Variants in PTGFRN observed in about 807,000 individuals in gnomAD.
PTGFRN encodes prostaglandin F2 receptor inhibitor.
In PTGFRN, 35 loss-of-function variants were observed where a neutral mutation model predicts 83.2. That is an observed-to-expected ratio of 0.42 (90% CI 0.32 to 0.56). The LOEUF (loss-of-function observed/expected upper bound fraction) is 0.56. PTGFRN is among the 20% of genes least tolerant of loss of function. The probability of loss-of-function intolerance (pLI) is 0.11; values close to 1 mark genes in which losing one functional copy is unlikely to be tolerated. For synonymous variants in PTGFRN, 519 were observed against 498.6 expected, an observed-to-expected ratio of 1.04 and a Z score of -0.55; for missense variants, 1,051 against 1,179.5, an observed-to-expected ratio of 0.89 and a Z score of 1.60.
At chr1:116,935,984 G>A (rs1255159715) in intron 1 of PTGFRN, among the ~76,000 whole-genome samples, 1 of 152,262 alleles carries the variant, frequency 6.6e-6, no homozygotes, top group East Asian at 1.9e-4. Flanking sequence ...CTTAGTAGCG[G>A]CATTTTTATG....
intron 4 of PTGFRN, among the ~76,000 whole-genome samples, chr1:116,953,678 A>G (rs1341140516): frequency 6.6e-6 from 1 of 151,950 alleles, no homozygotes; most frequent in Non-Finnish European, 1.5e-5. Flanking sequence ...GGAGCCCAGC[A>G]TAGAGGAATT....
rs1651507370 is a variant in PTGFRN at position 116,986,914 on chromosome 1, G to A, written c.2587G>A (p.Val863Ile). 6.2e-7 allele frequency: 1 copy of A among 1,614,260 alleles called. No homozygotes were observed. Among genetic ancestry groups the A allele is most frequent in the Non-Finnish European group, 8.5e-7 (1 of 1,180,042 alleles). ...CTCCCACTGGTGTTGTAAGAAGGAG[G>A]TTCAGGAGACACGGCGCGAGCGCCG... is the stretch of plus-strand genomic sequence containing the variant. ...CSSHWCCKKEVQETRRERRRL... is the reference protein window; with the variant it reads ...CSSHWCCKKEIQETRRERRRL... Residue 863 changes from valine to isoleucine, a missense_variant, in exon 9 of 9, where the codon GTT becomes ATT. Val to Ile is a conservative substitution (Grantham distance 29). Transcript: ENST00000393203.
intron 7 of PTGFRN, among the ~76,000 whole-genome samples, chr1:116,979,520 G>A (rs1018733012): frequency 6.6e-6 from 1 of 152,160 alleles, no homozygotes; most frequent in Non-Finnish European, 1.5e-5. Flanking sequence ...TACCAAAACA[G>A]AGATATAGAC....
At chr1:116,912,258 A>G (rs1649290900) in intron 1 of PTGFRN, among the ~76,000 whole-genome samples, 1 of 152,208 alleles carries the variant, frequency 6.6e-6, no homozygotes, top group Non-Finnish European at 1.5e-5. Flanking sequence ...GTCACCAGCC[A>G]GTACCTTTTC....
intron 1 of PTGFRN, among the ~76,000 whole-genome samples, chr1:116,917,365 C>G (rs570595688): frequency 3.7e-4 from 56 of 152,168 alleles, no homozygotes; most frequent in Non-Finnish European, 6.0e-4. Context: ...ACTCTGGTGG[C>G]AAAGGACAGG....
intron 7 of PTGFRN, among the ~76,000 whole-genome samples, chr1:116,981,533 G>A (rs1266975161): frequency 6.6e-6 from 1 of 152,254 alleles, no homozygotes; most frequent in Non-Finnish European, 1.5e-5. Flanking sequence ...GAGCCCCTGA[G>A]CAGGGGACTG....
Position 116,958,821 on chromosome 1 carries a change from C to A in PTGFRN, c.1214-2422C>A, listed in dbSNP as rs773427645. Among the ~76,000 whole-genome samples, 7 of 152,180 alleles carry A rather than the reference C, an allele frequency of 4.6e-5. No individual in the cohort carries two copies. Among genetic ancestry groups the A allele is most frequent in the Non-Finnish European group, 1.0e-4 (7 of 68,038 alleles). ...CTCACCACTGTTCTCTGCTGCCTCA[C>A]AGTTTGCTGTTCAGGGTTATGGTTC... is the stretch of plus-strand genomic sequence containing the variant. On this transcript the variant is annotated intron_variant, in intron 4 of 8. Coordinates refer to ENST00000393203, the MANE Select transcript of PTGFRN (RefSeq NM_020440.4). This position sits in a 1 kb window ranked among gnomAD's most constrained non-coding sequence, Gnocchi z 4.9.
Position 116,974,305 on chromosome 1 carries a change from G to A in PTGFRN, c.2149G>A (p.Gly717Arg), listed in dbSNP as rs772286945. The A allele has an allele frequency of 8.7e-6, 14 of 1,609,992 alleles. No homozygotes were observed. Among genetic ancestry groups the A allele is most frequent in the African/African-American group, 1.3e-5 (1 of 74,776 alleles). ...IKLFCIITVE[G>R]AALDPDDMAF... is the part of the protein sequence containing the mutation. ...ATTGTTCTGTATCATCACTGTCGAG[G>A]GAGCAGCACTGGATCCAGGTACCTC... The change falls in exon 7 of 9, where the codon GGA (glycine) becomes AGA (arginine). Residue 717 changes from glycine to arginine, a missense_variant. Coordinates refer to ENST00000393203, the MANE Select transcript of PTGFRN (RefSeq NM_020440.4).
chr1:116,948,953 A>G lies in PTGFRN; in HGVS notation c.833-239A>G, dbSNP rs369552347. On this transcript the variant is annotated intron_variant, in intron 3 of 8. Coordinates refer to ENST00000393203, the MANE Select transcript of PTGFRN (RefSeq NM_020440.4). ...TAAAGCACTCAGAACACTGCCTGGCATATATAGCAGATATATGTAAATGTT... is the reference window on the plus strand; with the variant it reads ...TAAAGCACTCAGAACACTGCCTGGCGTATATAGCAGATATATGTAAATGTT... Among the ~76,000 whole-genome samples the G allele has an allele frequency of 9.9e-5, 15 of 152,236 alleles. No individual in the cohort carries two copies. In the East Asian group the frequency reaches 1.9e-3, roughly 20 times the overall value.
At chr1:116,936,218 T>G (rs186211885) in intron 1 of PTGFRN, among the ~76,000 whole-genome samples, 13 of 143,368 alleles carry the variant, frequency 9.1e-5, no homozygotes, top group Admixed American at 2.2e-4. Flanking sequence ...TTATATTTAT[T>G]TTTAAATATC....
intron 3 of PTGFRN, among the ~76,000 whole-genome samples, chr1:116,946,824 T>G (rs1324423245): frequency 6.6e-6 from 1 of 152,204 alleles, no homozygotes; most frequent in Non-Finnish European, 1.5e-5. Flanking sequence ...GCAAATTGAT[T>G]TTGTAGTAAT....
chr1:116,961,791 T>C lies in PTGFRN; in HGVS notation c.1639+123T>C, dbSNP rs1650674004. 2.0e-6 allele frequency: 2 copies of C among 977,102 alleles called. No individual in the cohort carries two copies. The highest frequency in any genetic ancestry group is 3.0e-6 in the Non-Finnish European group (2 of 673,802). 60.5% of individuals were successfully genotyped at this position (977,102 alleles called of 1,614,324 possible). A position where few individuals can be genotyped will look rare whatever the true frequency, so the allele number is the denominator to read the frequency against. On this transcript the variant is annotated intron_variant, in intron 5 of 8. Transcript: ENST00000393203. This position sits in a 1 kb window ranked among gnomAD's most constrained non-coding sequence, Gnocchi z 5.4. ...ACACTAGGAATGTGTGTCCTGGACA[T>C]TGATCGCCATGCGACCCGTTGCACA...
At chr1:116,913,440 G>T (rs1351600689) in intron 1 of PTGFRN, among the ~76,000 whole-genome samples, 3 of 151,070 alleles carry the variant, frequency 2.0e-5, no homozygotes, top group African/African-American at 7.3e-5. Flanking sequence ...AATTATTTGG[G>T]GGAGGAGGAA....
At chr1:116,968,820 T>G (rs1650911570) in intron 6 of PTGFRN, among the ~76,000 whole-genome samples, 1 of 152,188 alleles carries the variant, frequency 6.6e-6, no homozygotes, top group Non-Finnish European at 1.5e-5. Context: ...CTTTTGTGAC[T>G]TGCTTTTTTT....
At chr1:116,948,033 G>A (rs1242875074) in intron 3 of PTGFRN, among the ~76,000 whole-genome samples, 1 of 152,150 alleles carries the variant, frequency 6.6e-6, no homozygotes, top group African/African-American at 2.4e-5. Flanking sequence ...TTACGCCAAG[G>A]AGCACGGGCT....
At position 116,961,183 on chromosome 1, in the gene PTGFRN, T is replaced by C; in HGVS notation, c.1214-60T>C. The C allele has an allele frequency of 6.8e-7, 1 of 1,463,940 alleles. No homozygotes were observed. The highest frequency in any genetic ancestry group is 9.1e-7 in the Non-Finnish European group (1 of 1,098,604). 90.7% of individuals were successfully genotyped at this position (1,463,940 alleles called of 1,614,324 possible). ...GCAGTCCTTGTCTCATTCCTTTTGT[T>C]AATTCTTGCCATGTTACTCTAATTA... On this transcript the variant is annotated intron_variant, in intron 4 of 8. Coordinates refer to ENST00000393203, the MANE Select transcript of PTGFRN (RefSeq NM_020440.4). The surrounding 1 kb of genome is among the most constrained non-coding windows in gnomAD (Gnocchi z 5.4).
At position 116,949,272 on chromosome 1, in the gene PTGFRN, C is replaced by T. The variant is rs758581583; in HGVS notation, c.913C>T (p.Arg305Ter). ...CCTGACCTGTAACATCACAACAGAC[C>T]GAGCCGATGACGTCCGGCCCGAGGT... ...LDLTCNITTD[R>*]ADDVRPEVTW... The change falls in exon 4 of 9, where the codon CGA becomes TGA. Residue 305 changes from arginine to a stop codon, truncating the protein, a stop_gained. Coordinates refer to ENST00000393203, the MANE Select transcript of PTGFRN (RefSeq NM_020440.4). LOFTEE classifies it high-confidence loss of function. 10 of 1,613,402 alleles carry T rather than the reference C, an allele frequency of 6.2e-6. No individual in the cohort carries two copies. Among genetic ancestry groups the T allele is most frequent in the South Asian group, 1.1e-5 (1 of 91,070 alleles).
At chr1:116,935,137 T>C (rs1649889420) in intron 1 of PTGFRN, among the ~76,000 whole-genome samples, 1 of 152,216 alleles carries the variant, frequency 6.6e-6, no homozygotes, top group Non-Finnish European at 1.5e-5. Context: ...TCATGTCAGT[T>C]ACCTTGAGGG....
chr1:116,918,250 T>A lies in PTGFRN; in HGVS notation c.49+7998T>A, dbSNP rs1027132582. Among the ~76,000 whole-genome samples, 1 of 152,248 alleles carries A rather than the reference T, an allele frequency of 6.6e-6. No homozygotes were observed. The highest frequency in any genetic ancestry group is 1.9e-4 in the East Asian group (1 of 5,206). On this transcript the variant is annotated intron_variant, in intron 1 of 8. Coordinates refer to ENST00000393203, the MANE Select transcript of PTGFRN (RefSeq NM_020440.4). The surrounding 1 kb of genome is among the most constrained non-coding windows in gnomAD (Gnocchi z 4.1). ...CAGGCTTCAGAATCAGCCTTTCATTTGAATCCTGTCTTCCCTCAGTGTGAA... is the reference window on the plus strand; with the variant it reads ...CAGGCTTCAGAATCAGCCTTTCATTAGAATCCTGTCTTCCCTCAGTGTGAA...
Sources: allele counts gnomAD v4.1 joint callset (sites outside exome capture counted in the v4.1 genomes callset), GRCh38; gene constraint gnomAD v4.1.1; non-coding constraint Gnocchi (gnomAD v3.1); transcripts MANE v1.5; gene names NCBI Gene and HGNC (gene_info 2026-07-23, HGNC 2026-07-21).